BAIAP2L1: variants seen among roughly 807,000 people sequenced by gnomAD.
BAIAP2L1 encodes the protein BAR/IMD domain containing adaptor protein 2 like 1.
Under a neutral mutation model 66.3 loss-of-function variants are expected in BAIAP2L1, and 35 were observed. The ratio of observed to expected loss-of-function variants is 0.53; its 90% CI spans 0.40 to 0.70. The LOEUF is 0.70. Among genes scored for constraint, BAIAP2L1 ranks in the 30% least tolerant of loss-of-function variants. The pLI is 0.00. For missense variants in BAIAP2L1, 622 were observed against 656.9 expected, an observed-to-expected ratio of 0.95 and a Z score of 0.58; for synonymous variants, 269 against 248.7, an observed-to-expected ratio of 1.08 and a Z score of -0.77.
intron 1 of BAIAP2L1, among the ~76,000 whole-genome samples, chr7:98,373,807 G>A (rs1464602043): frequency 6.6e-6 from 1 of 152,142 alleles, no homozygotes; most frequent in African/African-American, 2.4e-5. Flanking sequence ...GTATCTCCAG[G>A]AACCTCCACT....
In BAIAP2L1 at chr7:98,346,029, G is replaced by A. The variant is rs143240691; in HGVS notation, c.214+9013C>T. 4.6e-4 allele frequency among the ~76,000 whole-genome samples: 70 copies of A among 152,224 alleles called. No homozygotes were observed. The East Asian group carries it at 6.4e-3, about 14-fold the overall frequency. On this transcript the variant is annotated intron_variant, in intron 3 of 13. Transcript: ENST00000005260. ...CTAATGGGTGAGGGTTTCTTTTTGC[G>A]GTGATGAAAATATCCTAAAGTTAAT...
chr7:98,352,837 T>C (rs1209512430), intron 3 of BAIAP2L1, among the ~76,000 whole-genome samples: 2 of 152,278 alleles, frequency 1.3e-5, no homozygotes, highest in African/African-American at 4.8e-5. Context: ...GCAGAAGTCT[T>C]ATTTAAACAG....
At chr7:98,340,962 T>TG (rs986442475) in intron 3 of BAIAP2L1, among the ~76,000 whole-genome samples, 1 of 150,110 alleles carries the variant, frequency 6.7e-6, no homozygotes, top group East Asian at 1.9e-4. Flanking sequence ...CTAATTGGTT[T>TG]TTTTTTTTTT....
Position 98,359,567 on chromosome 7 carries a change from G to A in BAIAP2L1, c.127+2790C>T, listed in dbSNP as rs73141648. ...ATTACAGGCGTGAGCCATCGCGCCC[G>A]GCCGACTTGCTGTCTTTTATGCGTG... On this transcript the variant is annotated intron_variant, in intron 2 of 13. Transcript: ENST00000005260. Among the ~76,000 whole-genome samples the A allele has an allele frequency of 8.5e-5, 13 of 152,134 alleles. No individual in the cohort carries two copies. The South Asian group carries it at 1.9e-3, about 22-fold the overall frequency.
intron 12 of BAIAP2L1, among the ~76,000 whole-genome samples, chr7:98,302,144 G>A (rs542211295): frequency 6.6e-6 from 1 of 152,356 alleles, no homozygotes; most frequent in Non-Finnish European, 1.5e-5. Flanking sequence ...GGAGGAATCT[G>A]TCATTACTGA....
At chr7:98,357,751 A>T (rs1167724403) in intron 2 of BAIAP2L1, among the ~76,000 whole-genome samples, 1 of 152,156 alleles carries the variant, frequency 6.6e-6, no homozygotes. Context: ...ATACTTAGTT[A>T]ATCTATCCAA....
At chr7:98,293,930 G>C in intron 13 of BAIAP2L1, 144 bp downstream of exon 13, 1 of 960,824 alleles carries the variant, frequency 1.0e-6, no homozygotes, top group Non-Finnish European at 1.6e-6. Flanking sequence ...AAAGCGAGCA[G>C]GGGGCTGCAC....
At chr7:98,300,861 G>A (rs558686074) in intron 12 of BAIAP2L1, among the ~76,000 whole-genome samples, 10 of 152,100 alleles carry the variant, frequency 6.6e-5, no homozygotes, top group African/African-American at 9.7e-5. Context: ...TCACCGCAAC[G>A]CCCAGGCCTT....
At chr7:98,333,388 A>C (rs924703331) in intron 3 of BAIAP2L1, among the ~76,000 whole-genome samples, 1 of 152,070 alleles carries the variant, frequency 6.6e-6, no homozygotes, top group Non-Finnish European at 1.5e-5. Flanking sequence ...ACCTGAGGTC[A>C]GGAGTTCAAG....
At chr7:98,353,370 T>A (rs1215765054) in intron 3 of BAIAP2L1, among the ~76,000 whole-genome samples, 1 of 138,370 alleles carries the variant, frequency 7.2e-6, no homozygotes, top group East Asian at 2.0e-4. Context: ...TATATACACA[T>A]ATATTTATAT....
At chr7:98,299,149 G>A (rs960799090) in intron 12 of BAIAP2L1, among the ~76,000 whole-genome samples, 1 of 152,110 alleles carries the variant, frequency 6.6e-6, no homozygotes, top group African/African-American at 2.4e-5. Flanking sequence ...CCGAGTAGCT[G>A]GGATTACAGG....
rs377182359 is a variant in BAIAP2L1 at position 98,320,100 on chromosome 7, A to G, written c.306T>C (p.His102=). 18 of 1,613,310 alleles carry G rather than the reference A, an allele frequency of 1.1e-5. No individual in the cohort carries two copies. Among genetic ancestry groups the G allele is most frequent in the Non-Finnish European group, 8.5e-7 (1 of 1,179,432 alleles). ...NFKKFHKEII[H]ELEKKIELDV... is the part of the protein sequence containing the mutation. ...CAAGTTCTATCTTCTTCTCCAGCTC[A>G]TGGATAATCTCTTTGTGGAATTTTT... Residue 102 remains histidine (H), a synonymous_variant, in exon 5 of 14, where the codon CAT becomes CAC. Transcript: ENST00000005260.
At chr7:98,379,270 C>G (rs1802704662) in intron 1 of BAIAP2L1, among the ~76,000 whole-genome samples, 1 of 152,174 alleles carries the variant, frequency 6.6e-6, no homozygotes, top group Non-Finnish European at 1.5e-5. Context: ...GTGTTCTCAG[C>G]AGCAGCAGGT....
At chr7:98,324,679 C>G (rs1246668109) in intron 3 of BAIAP2L1, among the ~76,000 whole-genome samples, 1 of 151,988 alleles carries the variant, frequency 6.6e-6, no homozygotes, top group Non-Finnish European at 1.5e-5. Context: ...GAGACCTCCA[C>G]CATCTCTACA....
intron 2 of BAIAP2L1, among the ~76,000 whole-genome samples, chr7:98,355,671 A>G (rs754053337): frequency 1.3e-5 from 2 of 151,882 alleles, no homozygotes; most frequent in Non-Finnish European, 2.9e-5. Context: ...GGAGGTTGCA[A>G]GTGAGCCGAG....
At chr7:98,364,924 C>G (rs1346806784) in intron 1 of BAIAP2L1, among the ~76,000 whole-genome samples, 1 of 123,122 alleles carries the variant, frequency 8.1e-6, no homozygotes, top group Non-Finnish European at 1.6e-5. Flanking sequence ...GAGTTTGAGG[C>G]TGCAGTTAGT....
intron 3 of BAIAP2L1, among the ~76,000 whole-genome samples, chr7:98,335,407 A>G (rs1227875729): frequency 6.6e-6 from 1 of 152,124 alleles, no homozygotes; most frequent in African/African-American, 2.4e-5. Context: ...TTACTCTAGC[A>G]TTCCATCCTG....
chr7:98,362,352 C>G lies in BAIAP2L1; in HGVS notation c.127+5G>C. On this transcript the variant is annotated splice_donor_5th_base_variant and intron_variant, in intron 2 of 13. Transcript: ENST00000005260. ...TATATAATCAATTCAGAAAAACAGA[C>G]TTACCGTTTACAGCTTTCTCATAAT... is the stretch of plus-strand genomic sequence containing the variant. The G allele has an allele frequency of 6.3e-7, 1 of 1,599,246 alleles. No individual in the cohort carries two copies. The highest frequency in any genetic ancestry group is 1.1e-5 in the South Asian group (1 of 89,824).
At chr7:98,312,050 G>T in intron 8 of BAIAP2L1, 47 bp downstream of exon 8, 1 of 1,542,578 alleles carries the variant, frequency 6.5e-7, no homozygotes, top group Non-Finnish European at 8.7e-7. Flanking sequence ...CCCAGATCAA[G>T]TTAGGAAACA....
Sources: gnomAD v4.1 joint callset for allele counts (sites outside exome capture counted in the v4.1 genomes callset) on GRCh38, gnomAD v4.1.1 for gene constraint, MANE v1.5 for transcripts, NCBI Gene and HGNC (gene_info 2026-07-23, HGNC 2026-07-21) for gene names.